MACROD2: variants seen among roughly 807,000 people sequenced by gnomAD.
The protein encoded by MACROD2 is mono-ADP ribosylhydrolase 2, also known as ADP-ribose glycohydrolase MACROD2.
A neutral mutation model predicts 70.4 loss-of-function variants in MACROD2; 36 were observed. The ratio of observed to expected loss-of-function variants is 0.51; its 90% CI spans 0.39 to 0.68. MACROD2 has a LOEUF of 0.68. Among genes scored for constraint, MACROD2 ranks in the 30% least tolerant of loss-of-function variants. MACROD2 has a pLI of 0.00. For missense variants in MACROD2, 496 were observed against 538.4 expected (o/e 0.92, Z 0.78); for synonymous variants, 172 against 178.8 (o/e 0.96, Z 0.30).
intron 5 of MACROD2, among the ~76,000 whole-genome samples, chr20:15,068,264 A>G (rs1221875381): frequency 6.6e-6 from 1 of 152,180 alleles, no homozygotes; most frequent in Non-Finnish European, 1.5e-5. Context: ...AATTGTAATG[A>G]CTTCTAAAAT....
At chr20:15,060,030 A>G (rs1024962233) in intron 5 of MACROD2, among the ~76,000 whole-genome samples, 27 of 152,222 alleles carry the variant, frequency 1.8e-4, no homozygotes, top group Non-Finnish European at 2.9e-4. Flanking sequence ...ACAGTGCAAA[A>G]TATTCTGGTA....
At chr20:15,798,268 C>T (rs1248490574) in intron 8 of MACROD2, among the ~76,000 whole-genome samples, 1 of 152,150 alleles carries the variant, frequency 6.6e-6, no homozygotes, top group African/African-American at 2.4e-5. Flanking sequence ...TGGGAAGATC[C>T]AAATGCCTGT....
intron 3 of MACROD2, among the ~76,000 whole-genome samples, chr20:14,307,128 C>A (rs1250186447): frequency 3.9e-5 from 6 of 152,014 alleles, no homozygotes; most frequent in Non-Finnish European, 8.8e-5. Flanking sequence ...GGATGACTTA[C>A]TGATAATTGC....
intron 4 of MACROD2, among the ~76,000 whole-genome samples, chr20:14,615,358 G>A (rs539919896): frequency 1.9e-4 from 29 of 152,100 alleles, no homozygotes; most frequent in South Asian, 4.2e-4. Context: ...GTGTCACCGC[G>A]TCCATCACAT....
chr20:14,652,739 A>G (rs1456627337), intron 4 of MACROD2, among the ~76,000 whole-genome samples: 2 of 152,196 alleles, frequency 1.3e-5, no homozygotes, highest in African/African-American at 4.8e-5. Flanking sequence ...TAAGGAAAAT[A>G]GATCTTTTCT....
intron 2 of MACROD2, among the ~76,000 whole-genome samples, chr20:14,049,183 A>AAAAAC (rs2053524684): frequency 6.8e-6 from 1 of 146,120 alleles, no homozygotes; most frequent in African/African-American, 2.5e-5. Context: ...ATAAAAAAAA[A>AAAAAC]AAAAAACAAA....
At chr20:14,798,196 A>T (rs1455709360) in intron 5 of MACROD2, among the ~76,000 whole-genome samples, 1 of 152,092 alleles carries the variant, frequency 6.6e-6, no homozygotes, top group Non-Finnish European at 1.5e-5. Context: ...AAACCCACTC[A>T]TAAACCTGAT....
intron 3 of MACROD2, among the ~76,000 whole-genome samples, chr20:14,172,747 C>G (rs954776643): frequency 1.3e-5 from 2 of 151,658 alleles, no homozygotes; most frequent in Non-Finnish European, 2.9e-5. Flanking sequence ...TCTTATAGGT[C>G]CTTTGAGATT....
chr20:15,422,867 C>T (rs1037951721), intron 6 of MACROD2, among the ~76,000 whole-genome samples: 1 of 152,116 alleles, frequency 6.6e-6, no homozygotes, highest in Non-Finnish European at 1.5e-5. Flanking sequence ...CTGTTGGCTC[C>T]CAGACCTGTA....
intron 9 of MACROD2, among the ~76,000 whole-genome samples, chr20:15,877,764 A>T (rs2064696263): frequency 6.6e-6 from 1 of 152,164 alleles, no homozygotes; most frequent in South Asian, 2.1e-4. Flanking sequence ...TGGTAATGAA[A>T]TATTAAAAAG....
chr20:14,046,671 A>G lies in MACROD2; in HGVS notation c.164-38950A>G, dbSNP rs528673349. 1.1e-4 allele frequency among the ~76,000 whole-genome samples: 16 copies of G among 152,136 alleles called. No individual in the cohort carries two copies. In the South Asian group the frequency reaches 2.9e-3, roughly 28 times the overall value. ...TTGTGATCTGTCTCTGTACGTCATCACTTTGTTCATCTTCCTTTTTCCCCT... is the reference window on the plus strand; with the variant it reads ...TTGTGATCTGTCTCTGTACGTCATCGCTTTGTTCATCTTCCTTTTTCCCCT... On this transcript the variant is annotated intron_variant, in intron 2 of 17. Transcript: ENST00000684519.
chr20:15,091,132 GCAGTTATCTA>G (rs2075789479), intron 5 of MACROD2, among the ~76,000 whole-genome samples: 1 of 151,906 alleles, frequency 6.6e-6, no homozygotes, highest in African/African-American at 2.4e-5. Flanking sequence ...CAATTAATCT[GCAGTTATCTA>G]CAGTACTAAC....
intron 3 of MACROD2, among the ~76,000 whole-genome samples, chr20:14,129,735 G>A (rs2054694839): frequency 6.6e-6 from 1 of 152,078 alleles, no homozygotes; most frequent in Admixed American, 6.6e-5. Flanking sequence ...TACCTTGATC[G>A]GTCAGTAGCC....
At chr20:14,190,688 ATATATATATATTTTTTTTTTTTTTT>A (rs2081377565) in intron 3 of MACROD2, among the ~76,000 whole-genome samples, 1 of 40,434 alleles carries the variant, frequency 2.5e-5, no homozygotes, top group African/African-American at 1.1e-4. Context: ...ATATATATAT[ATATATATATATTTTTTTTTTTTTTT>A]TTTTTTTTTT....
At chr20:15,340,912 C>T (rs1398174621) in intron 6 of MACROD2, among the ~76,000 whole-genome samples, 1 of 152,026 alleles carries the variant, frequency 6.6e-6, no homozygotes, top group Non-Finnish European at 1.5e-5. Flanking sequence ...TGGTCTCAAA[C>T]TCCTGGGCTC....
chr20:14,437,581 CAAAACTCCATCTCA>C (rs2122948029), intron 3 of MACROD2, among the ~76,000 whole-genome samples: 1 of 152,066 alleles, frequency 6.6e-6, no homozygotes, highest in East Asian at 1.9e-4. Flanking sequence ...GTGACAAAAG[CAAAACTCCATCTCA>C]AAAAAAAATT....
chr20:15,522,203 C>T (rs1364061174), intron 8 of MACROD2, among the ~76,000 whole-genome samples: 1 of 152,180 alleles, frequency 6.6e-6, no homozygotes, highest in African/African-American at 2.4e-5. Context: ...TCATATTCTG[C>T]ACCCCAGGAG....
At chr20:14,898,285 C>A (rs563607740) in intron 5 of MACROD2, among the ~76,000 whole-genome samples, 1 of 151,970 alleles carries the variant, frequency 6.6e-6, no homozygotes, top group Non-Finnish European at 1.5e-5. Context: ...AGGATAATAA[C>A]CTTGGATGAC....
intron 8 of MACROD2, among the ~76,000 whole-genome samples, chr20:15,795,661 G>A (rs1260652239): frequency 2.0e-5 from 3 of 152,300 alleles, no homozygotes; most frequent in African/African-American, 4.8e-5. Context: ...TAAGATATGT[G>A]TGGCTTGTCT....
Sources: allele counts gnomAD v4.1 joint callset (sites outside exome capture counted in the v4.1 genomes callset), GRCh38; gene constraint gnomAD v4.1.1; transcripts MANE v1.5; gene names NCBI Gene and HGNC (gene_info 2026-07-23, HGNC 2026-07-21).